Variants in ABI3BP observed in about 807,000 individuals in gnomAD.
ABI3BP encodes ABI family member 3 binding protein, also known as target of Nesh-SH3.
A neutral mutation model predicts 268.6 loss-of-function variants in ABI3BP; 216 were observed. The ratio of observed to expected loss-of-function variants is 0.80; its 90% CI spans 0.72 to 0.90. ABI3BP has a LOEUF of 0.90. Among genes scored for constraint, ABI3BP ranks in the 40% least tolerant of loss-of-function variants. The pLI, the probability that ABI3BP is intolerant of heterozygous loss-of-function variation, is 0.00. For missense variants in ABI3BP, 2,090 were observed against 2,182.4 expected, an observed-to-expected ratio of 0.96 and a Z score of 0.84; for synonymous variants, 730 against 730.0, an observed-to-expected ratio of 1.00 and a Z score of 0.00.
chr3:100,918,025 T>C (rs1252025839), intron 2 of ABI3BP, among the ~76,000 whole-genome samples: 1 of 151,972 alleles, frequency 6.6e-6, no homozygotes, highest in Non-Finnish European at 1.5e-5. Flanking sequence ...TTCTGGTAAA[T>C]TTTGCGCCTT....
chr3:100,768,357 G>A (rs2096403416), intron 62 of ABI3BP, among the ~76,000 whole-genome samples: 1 of 151,976 alleles, frequency 6.6e-6, no homozygotes, highest in African/African-American at 2.4e-5. Flanking sequence ...CAGAGTGCTG[G>A]GATTACAGGC....
chr3:100,975,089 T>G (rs2085486364), intron 1 of ABI3BP, among the ~76,000 whole-genome samples: 1 of 152,160 alleles, frequency 6.6e-6, no homozygotes, highest in East Asian at 1.9e-4. Flanking sequence ...TTTTAATATA[T>G]TAATCTGAAG....
intron 1 of ABI3BP, among the ~76,000 whole-genome samples, chr3:100,946,419 T>C (rs892065293): frequency 7.9e-5 from 12 of 151,842 alleles, no homozygotes; most frequent in African/African-American, 2.4e-4. Context: ...TAATAATTAT[T>C]GTGATTCCAA....
In ABI3BP at chr3:100,847,472, A is replaced by T; in HGVS notation, c.1648+130T>A. ...CCATGGAGCTGGTGCACTCTCTGAG[A>T]TGGGCCATGCTGTTCAAATGAACCG... On this transcript the variant is annotated intron_variant, in intron 19 of 67. Transcript: ENST00000471714. 1.3e-5 allele frequency: 10 copies of T among 788,306 alleles called. No individual in the cohort carries two copies. In the South Asian group the frequency reaches 1.6e-4, roughly 13 times the overall value. The allele number at this position is 788,306 out of a possible 1,614,324, so 48.8% of individuals were successfully genotyped here.
chr3:100,879,553 C>G (rs1040852312), intron 6 of ABI3BP, among the ~76,000 whole-genome samples: 10 of 152,262 alleles, frequency 6.6e-5, no homozygotes, highest in African/African-American at 2.2e-4. Flanking sequence ...TTGTTTCAAA[C>G]AAACCATTTT....
chr3:100,877,990 T>A (rs1251276650), intron 6 of ABI3BP, among the ~76,000 whole-genome samples: 1 of 152,202 alleles, frequency 6.6e-6, no homozygotes, highest in Admixed American at 6.5e-5. Flanking sequence ...TCTTATGTTT[T>A]AAAAAAATCA....
Position 100,829,675 on chromosome 3 carries a change from A to G in ABI3BP, c.2459-11T>C, listed in dbSNP as rs1046367744. On this transcript the variant is annotated splice_polypyrimidine_tract_variant and intron_variant, in intron 32 of 67. Transcript: ENST00000471714. Reference sequence around the variant, plus strand: ...GAGGCACTTTGGGAGCTAAAGGAAGAAAACTTCAGGTTAATACAGCGTGTT... The same window carrying G: ...GAGGCACTTTGGGAGCTAAAGGAAGGAAACTTCAGGTTAATACAGCGTGTT... 3.9e-6 allele frequency: 6 copies of G among 1,531,600 alleles called. No individual in the cohort carries two copies. In the African/African-American group the frequency reaches 6.9e-5, roughly 17 times the overall value. The allele number at this position is 1,531,600 out of a possible 1,614,324, so 94.9% of individuals were successfully genotyped here. A position where few individuals can be genotyped will look rare whatever the true frequency, so the allele number is the denominator to read the frequency against.
At chr3:100,816,809 T>G in intron 42 of ABI3BP, 41 bp from the exon 43 acceptor site, 1 of 1,483,534 alleles carries the variant, frequency 6.7e-7, no homozygotes, top group South Asian at 1.2e-5. Context: ...GCAGGTGGCT[T>G]TGGAGACAAA....
At chr3:100,903,264 T>C (rs1318889067) in intron 2 of ABI3BP, among the ~76,000 whole-genome samples, 1 of 152,216 alleles carries the variant, frequency 6.6e-6, no homozygotes, top group Admixed American at 6.5e-5. Flanking sequence ...ATAATTTTCA[T>C]TTTAAATATA....
At chr3:100,785,867 G>C (rs752345593) in intron 57 of ABI3BP, among the ~76,000 whole-genome samples, 1 of 152,074 alleles carries the variant, frequency 6.6e-6, no homozygotes, top group African/African-American at 2.4e-5. Context: ...TTAAAATTTT[G>C]TCTAGGTTGT....
chr3:100,752,484 T>G, intron 66 of ABI3BP: 1 of 253,368 alleles, frequency 3.9e-6, no homozygotes, highest in Non-Finnish European at 7.6e-6. Flanking sequence ...TGTCAGTCGG[T>G]TTTTTTATCC....
At position 100,792,740 on chromosome 3, in the gene ABI3BP, A is replaced by C; in HGVS notation, c.3975T>G (p.Pro1325=). ...TTGTTCGTGGAATCTTAGTTGTGAA[A>C]GGTTCTTGGGTGGATTGGTCTGTTT... ...LEETDQSTQE[P]FTTKIPRTTE... is the part of the protein sequence containing the mutation. The change falls in exon 55 of 68, where the codon CCT becomes CCG. Residue 1325 remains proline (P), a synonymous_variant. Transcript: ENST00000471714. The C allele has an allele frequency of 1.2e-6, 2 of 1,611,620 alleles. No individual in the cohort carries two copies. The highest frequency in any genetic ancestry group is 4.5e-5 in the East Asian group (2 of 44,782).
At chr3:100,807,307 T>C (rs1231540525) in intron 50 of ABI3BP, among the ~76,000 whole-genome samples, 1 of 151,988 alleles carries the variant, frequency 6.6e-6, no homozygotes, top group Non-Finnish European at 1.5e-5. Flanking sequence ...ATCATTATTT[T>C]CTCAGACTTT....
rs367658820 is a variant in ABI3BP at position 100,853,258 on chromosome 3, C to G, written c.1286-1318G>C. Among the ~76,000 whole-genome samples the G allele has an allele frequency of 1.7e-4, 26 of 152,272 alleles. No homozygotes were observed. In the East Asian group the frequency reaches 4.6e-3, roughly 27 times the overall value. ...AAGAATATTGTGAGTTAAAGATATGCACACATTCTGAGAATGCATCTATTA... is the reference window on the plus strand; with the variant it reads ...AAGAATATTGTGAGTTAAAGATATGGACACATTCTGAGAATGCATCTATTA... On this transcript the variant is annotated intron_variant, in intron 14 of 67. Transcript: ENST00000471714.
intron 9 of ABI3BP, among the ~76,000 whole-genome samples, chr3:100,867,901 A>C (rs1012143423): frequency 2.0e-5 from 3 of 152,166 alleles, no homozygotes; most frequent in Non-Finnish European, 4.4e-5. Flanking sequence ...TATTTGAGAA[A>C]CTTCATTTTA....
At chr3:100,814,802 A>T (rs2097970398) in intron 44 of ABI3BP, among the ~76,000 whole-genome samples, 1 of 152,168 alleles carries the variant, frequency 6.6e-6, no homozygotes, top group Non-Finnish European at 1.5e-5. Flanking sequence ...ATGAAATGGA[A>T]TAAGAACTGT....
intron 62 of ABI3BP, among the ~76,000 whole-genome samples, 179 bp from the exon 63 acceptor site, chr3:100,766,128 G>A (rs2149718588): frequency 6.6e-6 from 1 of 152,308 alleles, no homozygotes; most frequent in South Asian, 2.1e-4. Context: ...AGCAGATGAA[G>A]GCTCCAGAAG....
intron 2 of ABI3BP, among the ~76,000 whole-genome samples, chr3:100,912,602 G>C (rs995548830): frequency 6.6e-6 from 1 of 151,958 alleles, no homozygotes; most frequent in Non-Finnish European, 1.5e-5. Context: ...TGTCGATTCT[G>C]ATTTGCATCT....
chr3:100,878,404 C>A (rs1371495205), intron 6 of ABI3BP, among the ~76,000 whole-genome samples: 1 of 152,170 alleles, frequency 6.6e-6, no homozygotes, highest in Non-Finnish European at 1.5e-5. Flanking sequence ...CTGGTAAGGG[C>A]AAATTACATT....
Sources: allele counts gnomAD v4.1 joint callset (sites outside exome capture counted in the v4.1 genomes callset), GRCh38; gene constraint gnomAD v4.1.1; transcripts MANE v1.5; gene names NCBI Gene and HGNC (gene_info 2026-07-23, HGNC 2026-07-21).